RADX: variants seen among roughly 807,000 people sequenced by gnomAD.
The protein encoded by RADX is RPA1 related single stranded DNA binding protein, X-linked.
RADX carries 36 observed loss-of-function variants against 61.6 expected under a neutral mutation model. The ratio of observed to expected loss-of-function variants is 0.58; its 90% CI spans 0.45 to 0.77. RADX has a LOEUF of 0.77. RADX is among the 30% of genes least tolerant of loss of function. RADX has a pLI of 0.00. For synonymous variants in RADX, 272 were observed against 237.9 expected (o/e 1.14, Z -1.32); for missense variants, 497 against 651.1 (o/e 0.76, Z 2.58).
intron 7 of RADX, 60 bp from the exon 8 acceptor site, chrX:106,637,700 A>G: frequency 1.0e-6 from 1 of 988,867 alleles, no homozygotes; most frequent in East Asian, 3.2e-5. Context: ...ATTTGCATAC[A>G]GATTGTTACA....
intron 12 of RADX, among the ~76,000 whole-genome samples, chrX:106,668,678 T>A (rs1314684638): frequency 1.8e-5 from 2 of 111,783 alleles, no homozygotes; most frequent in Non-Finnish European, 3.8e-5. Context: ...GCCCTGATGG[T>A]GAGTGTGCGA....
intron 2 of RADX, 78 bp from the exon 3 acceptor site, chrX:106,625,012 C>G (rs1927044673): frequency 1.7e-6 from 1 of 584,976 alleles, no homozygotes; most frequent in Non-Finnish European, 2.5e-6. Context: ...TCTAAATGAT[C>G]ACAAATAATA....
intron 9 of RADX, among the ~76,000 whole-genome samples, chrX:106,640,148 G>T (rs994559140): frequency 9.1e-6 from 1 of 109,845 alleles, no homozygotes; most frequent in African/African-American, 3.3e-5. Context: ...TCTATATCTG[G>T]CATAGTAGTC....
intron 1 of RADX, among the ~76,000 whole-genome samples, chrX:106,621,154 G>A (rs1166320898): frequency 2.7e-5 from 3 of 112,013 alleles, no homozygotes; most frequent in Non-Finnish European, 3.8e-5. Flanking sequence ...TTCGTCTGAC[G>A]TTAAAATGAA....
chrX:106,612,154 A>G lies in RADX; in HGVS notation c.74A>G (p.Asn25Ser). 1 of 1,211,539 alleles carries G rather than the reference A, an allele frequency of 8.3e-7. No homozygotes were observed. The highest frequency in any genetic ancestry group is 1.1e-6 in the Non-Finnish European group (1 of 895,254). The change falls in exon 1 of 14, where the codon AAT becomes AGT. Residue 25 changes from asparagine (N) to serine (S), a missense_variant. Asn to Ser is a conservative substitution (Grantham distance 46). Transcript: ENST00000372548. Reference protein sequence around the residue: ...AGLDWPNPERNRAGVPGGVIR... With the variant: ...AGLDWPNPERSRAGVPGGVIR... Reference sequence around the variant, plus strand: ...CTAGATTGGCCGAACCCTGAGAGGAATCGGGCTGGGGTCCCGGGAGGGGTG... The same window carrying G: ...CTAGATTGGCCGAACCCTGAGAGGAGTCGGGCTGGGGTCCCGGGAGGGGTG...
rs369412417 is a variant in RADX at position 106,637,784 on chromosome X, A to G, written c.1433A>G (p.Tyr478Cys). The G allele has an allele frequency of 1.7e-6, 2 of 1,208,759 alleles. No homozygotes were observed. Among genetic ancestry groups the G allele is most frequent in the East Asian group, 3.0e-5 (1 of 33,806 alleles). Residue 478 changes from tyrosine (Y) to cysteine (C), a missense_variant, in exon 8 of 14, where the codon TAT becomes TGT. By Grantham distance (194) the Tyr-to-Cys change is radical. This residue lies in a region of RADX where 267 missense variants were observed against 306.9 expected (regional missense o/e 0.87). Coordinates refer to ENST00000372548, the MANE Select transcript of RADX (RefSeq NM_018015.6). ...GGTCATAGAGGCCAGCCGTATACGT[A>G]TGATGCCAAGGTAAAAAACTTTATT... ...ITGHRGQPYT[Y>C]DAKVKNFIQW...
intron 10 of RADX, among the ~76,000 whole-genome samples, chrX:106,640,972 C>G (rs940023063): frequency 9.0e-6 from 1 of 110,803 alleles, no homozygotes; most frequent in Non-Finnish European, 1.9e-5. Flanking sequence ...TGCCTCTCTC[C>G]TAGCCTCTTA....
At chrX:106,662,343 C>G in intron 12 of RADX, 38 bp downstream of exon 12, 1 of 1,105,909 alleles carries the variant, frequency 9.0e-7, no homozygotes, top group Non-Finnish European at 1.2e-6. Flanking sequence ...ATTAATTTAA[C>G]ATATTTTAAA....
At chrX:106,642,318 C>T (rs1392725559) in intron 10 of RADX, among the ~76,000 whole-genome samples, 1 of 111,065 alleles carries the variant, frequency 9.0e-6, no homozygotes, top group Admixed American at 9.6e-5. Context: ...TATAGTCACT[C>T]TGATGTGCTA....
intron 10 of RADX, among the ~76,000 whole-genome samples, chrX:106,647,914 G>A (rs1488395074): frequency 9.1e-6 from 1 of 110,280 alleles, no homozygotes; most frequent in Non-Finnish European, 1.9e-5. Flanking sequence ...TGTGTATTCT[G>A]GTTATTAATC....
chrX:106,631,462 C>T (rs1927214608), intron 3 of RADX, among the ~76,000 whole-genome samples: 1 of 110,407 alleles, frequency 9.1e-6, no homozygotes, highest in African/African-American at 3.3e-5. Context: ...GACCTAAGTG[C>T]TCTGGGAGGC....
intron 3 of RADX, among the ~76,000 whole-genome samples, chrX:106,630,784 T>A (rs1927198384): frequency 9.0e-6 from 1 of 110,534 alleles, no homozygotes; most frequent in African/African-American, 3.3e-5. Flanking sequence ...AGGGAGAGGA[T>A]CAGAAAAAAT....
chrX:106,625,729 A>G (rs1927060840), intron 3 of RADX, among the ~76,000 whole-genome samples: 1 of 111,139 alleles, frequency 9.0e-6, no homozygotes, highest in Non-Finnish European at 1.9e-5. Context: ...AATTACTAGC[A>G]TTTACCTTTG....
At chrX:106,677,823 A>G (rs1056924524) in intron 13 of RADX, among the ~76,000 whole-genome samples, 2 of 110,992 alleles carry the variant, frequency 1.8e-5, no homozygotes, top group Non-Finnish European at 3.8e-5. Flanking sequence ...CTTACAAATG[A>G]CCTTGAAGAT....
At chrX:106,626,131 C>T (rs1356955866) in intron 3 of RADX, among the ~76,000 whole-genome samples, 2 of 110,961 alleles carry the variant, frequency 1.8e-5, no homozygotes, top group African/African-American at 6.5e-5. Context: ...TAGATATGAC[C>T]GTGATTTTTT....
At position 106,612,108 on chromosome X, in the gene RADX, G is replaced by T; in HGVS notation, c.28G>T (p.Ala10Ser). MSGESGQPE[A>S]GPSHAGLDWP... ...GTCTGGTGAGTCAGGACAGCCTGAGGCTGGTCCCTCACATGCAGGGCTAGA... is the reference window on the plus strand; with the variant it reads ...GTCTGGTGAGTCAGGACAGCCTGAGTCTGGTCCCTCACATGCAGGGCTAGA... The change falls in exon 1 of 14, where the codon GCT becomes TCT. Residue 10 changes from alanine (A) to serine (S), a missense_variant. This residue lies in a region of RADX where 34 missense variants were observed against 29.1 expected (regional missense o/e 1.17). Transcript: ENST00000372548. 1 of 1,210,450 alleles carries T rather than the reference G, an allele frequency of 8.3e-7. No homozygotes were observed. The highest frequency in any genetic ancestry group is 2.2e-5 in the Admixed American group (1 of 46,022).
At chrX:106,659,721 A>T (rs1928041914) in intron 11 of RADX, among the ~76,000 whole-genome samples, 1 of 111,088 alleles carries the variant, frequency 9.0e-6, no homozygotes, top group African/African-American at 3.3e-5. Flanking sequence ...TCCTGTATTG[A>T]TTTCATACTG....
Position 106,612,066 on chromosome X carries a change from C to T in RADX, c.-15C>T. ...CTAGCTTTTGGGAGTGAAGCGGGTA[C>T]GCAGTTATCCAACAATGTCTGGTGA... On this transcript the variant is annotated 5_prime_UTR_variant, in exon 1 of 14. In the 5' UTR this introduces an upstream ATG that the reference lacks. Transcript: ENST00000372548. 1 of 1,192,478 alleles carries T rather than the reference C, an allele frequency of 8.4e-7. No homozygotes were observed. Among genetic ancestry groups the T allele is most frequent in the Middle Eastern group, 2.6e-4 (1 of 3,807 alleles).
intron 10 of RADX, among the ~76,000 whole-genome samples, chrX:106,644,016 G>A (rs901129782): frequency 2.7e-5 from 3 of 111,012 alleles, no homozygotes; most frequent in Admixed American, 1.9e-4. Flanking sequence ...TTCATTCCTA[G>A]GTATTTAATT....
Sources: allele counts gnomAD v4.1 joint callset (sites outside exome capture counted in the v4.1 genomes callset), GRCh38; gene constraint gnomAD v4.1.1; regional missense constraint gnomAD v4.1.1; transcripts MANE v1.5; gene names NCBI Gene and HGNC (gene_info 2026-07-23, HGNC 2026-07-21).